Variants in FAAH2 observed in about 807,000 individuals in gnomAD.
FAAH2 encodes the protein fatty-acid amide hydrolase 2.
A neutral mutation model predicts 36.9 loss-of-function variants in FAAH2; 60 were observed. The ratio of observed to expected loss-of-function variants is 1.63; its 90% CI spans 1.32 to 2.02. The LOEUF (loss-of-function observed/expected upper bound fraction) is 2.02. Among genes scored for constraint, FAAH2 ranks in the 30% most tolerant of loss-of-function variants. FAAH2 has a pLI of 0.00. For missense variants in FAAH2, 689 were observed against 397.5 expected (o/e 1.73, Z -6.23); for synonymous variants, 214 against 143.8 (o/e 1.49, Z -3.49).
At chrX:57,264,574 A>G in the FAAH2 span, among the ~76,000 whole-genome samples, 1 of 112,681 alleles carries the variant, frequency 8.9e-6, no homozygotes, top group Non-Finnish European at 1.9e-5. Context: ...ATGCTTATAC[A>G]CTGGTGGAGG....
the FAAH2 span, among the ~76,000 whole-genome samples, chrX:57,242,125 C>A: frequency 8.9e-6 from 1 of 112,644 alleles, no homozygotes; most frequent in South Asian, 3.6e-4. Context: ...AGACTGCTTC[C>A]TTAAGTGGGT....
At chrX:57,483,540 G>A (rs1265850722) in intron 10 of FAAH2, among the ~76,000 whole-genome samples, 1 of 110,745 alleles carries the variant, frequency 9.0e-6, no homozygotes, top group African/African-American at 3.3e-5. Flanking sequence ...AAGGTCCATT[G>A]CTAGAAAGCT....
the FAAH2 span, among the ~76,000 whole-genome samples, chrX:57,199,114 G>A: frequency 9.0e-6 from 1 of 110,577 alleles, no homozygotes; most frequent in Admixed American, 9.6e-5. Flanking sequence ...AGTTACTCCT[G>A]CCTCTTGTTC....
chrX:57,301,761 G>T lies in FAAH2; in HGVS notation c.276-8832G>T, dbSNP rs1177351798. On this transcript the variant is annotated intron_variant, in intron 2 of 10. Transcript: ENST00000374900. Reference sequence around the variant, plus strand: ...AACATTGCATAGTCATTTTGGTGTTGGTTGTCTCACCCACCAGACTCTGAG... The same window carrying T: ...AACATTGCATAGTCATTTTGGTGTTTGTTGTCTCACCCACCAGACTCTGAG... Among the ~76,000 whole-genome samples, 6 of 111,331 alleles carry T rather than the reference G, an allele frequency of 5.4e-5. No homozygotes were observed. In the East Asian group the frequency reaches 1.1e-3, roughly 21 times the overall value.
chrX:57,218,452 A>G, the FAAH2 span, among the ~76,000 whole-genome samples: 102 of 112,069 alleles, frequency 9.1e-4, 1 homozygote, highest in African/African-American at 3.2e-3. Context: ...ATCTATTGAG[A>G]TGATCATGTG....
chrX:57,463,223 G>A (rs960016182), intron 10 of FAAH2, among the ~76,000 whole-genome samples: 2 of 111,145 alleles, frequency 1.8e-5, no homozygotes, highest in Non-Finnish European at 3.8e-5. Flanking sequence ...CATGAAAATG[G>A]CCATACCACC....
chrX:57,299,930 C>G (rs753233933), intron 2 of FAAH2, among the ~76,000 whole-genome samples: 1 of 111,200 alleles, frequency 9.0e-6, no homozygotes, highest in African/African-American at 3.3e-5. Flanking sequence ...AGGAGAACTA[C>G]AAACCACTGC....
chrX:57,310,880 A>C (rs1217720765), intron 3 of FAAH2, 151 bp downstream of exon 3: 1 of 596,883 alleles, frequency 1.7e-6, no homozygotes, highest in Non-Finnish European at 2.4e-6. Context: ...AGCAAGTTCC[A>C]TTGGGAAAAT....
the FAAH2 span, among the ~76,000 whole-genome samples, chrX:57,150,975 G>A: frequency 1.8e-5 from 2 of 111,821 alleles, no homozygotes; most frequent in Non-Finnish European, 3.8e-5. Context: ...AAATCTCTCA[G>A]CATTTGCTTG....
chrX:57,172,309 C>T, the FAAH2 span, among the ~76,000 whole-genome samples: 28 of 111,034 alleles, frequency 2.5e-4, no homozygotes, highest in Non-Finnish European at 4.0e-4. Flanking sequence ...GAAGAGTTCC[C>T]TTGTCCCCCT....
At chrX:57,352,099 T>TATACAC (rs1555980153) in intron 5 of FAAH2, among the ~76,000 whole-genome samples, 2,142 of 14,732 alleles carry the variant, frequency 0.15, 542 homozygotes, top group East Asian at 0.84. Context: ...TATGCACATA[T>TATACAC]ATATATATGT....
At chrX:57,327,704 A>G (rs1464421867) in intron 3 of FAAH2, among the ~76,000 whole-genome samples, 2 of 110,877 alleles carry the variant, frequency 1.8e-5, no homozygotes, top group Non-Finnish European at 3.8e-5. Flanking sequence ...TCCTTTAAGG[A>G]CTTCTCTGCC....
At chrX:57,415,858 C>G (rs1052163594) in intron 7 of FAAH2, among the ~76,000 whole-genome samples, 1 of 111,034 alleles carries the variant, frequency 9.0e-6, no homozygotes, top group Admixed American at 9.6e-5. Flanking sequence ...TTGTGGGAGT[C>G]TAAGTCTCTT....
At chrX:57,217,758 A>G in the FAAH2 span, among the ~76,000 whole-genome samples, 5 of 111,880 alleles carry the variant, frequency 4.5e-5, no homozygotes, top group East Asian at 2.8e-4. Flanking sequence ...TGCTTTGTCT[A>G]TATGGGCTCT....
At chrX:57,368,088 C>T (rs765609614) in intron 5 of FAAH2, among the ~76,000 whole-genome samples, 1 of 110,976 alleles carries the variant, frequency 9.0e-6, no homozygotes, top group South Asian at 3.9e-4. Flanking sequence ...GGGTCACTCC[C>T]CTTTGGAACA....
intron 7 of FAAH2, among the ~76,000 whole-genome samples, chrX:57,404,517 G>T (rs933459911): frequency 4.5e-5 from 5 of 111,767 alleles, no homozygotes; most frequent in Admixed American, 3.8e-4. Context: ...CCTGACAAGG[G>T]TGGTAGGGAA....
chrX:57,237,869 C>A, the FAAH2 span, among the ~76,000 whole-genome samples: 3 of 111,439 alleles, frequency 2.7e-5, no homozygotes, highest in African/African-American at 9.8e-5. Flanking sequence ...CAAAAGAAGG[C>A]ATACCTGTGG....
intron 7 of FAAH2, among the ~76,000 whole-genome samples, chrX:57,415,125 T>C (rs929910166): frequency 7.2e-5 from 8 of 110,632 alleles, no homozygotes; most frequent in Non-Finnish European, 1.3e-4. Context: ...TCTTTCCTTC[T>C]TTATTAGTCT....
chrX:57,216,177 G>C, the FAAH2 span, among the ~76,000 whole-genome samples: 2 of 106,776 alleles, frequency 1.9e-5, no homozygotes, highest in Admixed American at 1.0e-4. Context: ...GGTTACATGA[G>C]TAAGTCATTT....
Sources: gnomAD v4.1 joint callset for allele counts (sites outside exome capture counted in the v4.1 genomes callset) on GRCh38, gnomAD v4.1.1 for gene constraint, MANE v1.5 for transcripts, NCBI Gene and HGNC (gene_info 2026-07-23, HGNC 2026-07-21) for gene names.